Variants in RBFOX1 observed in about 807,000 individuals in gnomAD.
The protein encoded by RBFOX1 is RNA binding protein fox-1 homolog 1.
RBFOX1 carries 8 observed loss-of-function variants against 57.7 expected under a neutral mutation model. The ratio of observed to expected loss-of-function variants is 0.14; its 90% confidence interval spans 0.08 to 0.25. The LOEUF (loss-of-function observed/expected upper bound fraction) is 0.25, where lower values mean the gene tolerates loss of function less well. Among genes scored for constraint, RBFOX1 ranks in the 10% least tolerant of loss-of-function variants. RBFOX1 has a pLI of 1.00. For synonymous variants in RBFOX1, 326 were observed against 222.4 expected, an observed-to-expected ratio of 1.47 and a Z score of -4.15; for missense variants, 611 against 548.5, an observed-to-expected ratio of 1.11 and a Z score of -1.14.
At chr16:7,702,214 A>G (rs1377671076) in intron 14 of RBFOX1, among the ~76,000 whole-genome samples, 1 of 152,220 alleles carries the variant, frequency 6.6e-6, no homozygotes, top group Non-Finnish European at 1.5e-5. Flanking sequence ...ATTGGCATGA[A>G]GATAAGAGAC....
chr16:6,266,623 A>C, intron 1 of RBFOX1, among the ~76,000 whole-genome samples: 1 of 151,872 alleles, frequency 6.6e-6, no homozygotes, highest in Admixed American at 6.6e-5. Context: ...CTGAGGCAGG[A>C]GAGTCCCTTG....
At chr16:7,621,308 T>A (rs1280479606) in intron 10 of RBFOX1, among the ~76,000 whole-genome samples, 2 of 152,164 alleles carry the variant, frequency 1.3e-5, no homozygotes, top group African/African-American at 4.8e-5. Context: ...TCACCCAGGC[T>A]GGAGTGCAGT....
intron 4 of RBFOX1, among the ~76,000 whole-genome samples, chr16:7,190,581 C>G (rs2085126090): frequency 6.6e-6 from 1 of 151,684 alleles, no homozygotes. Context: ...GAGGAGGTTG[C>G]TAAGAGGGTA....
intron 4 of RBFOX1, among the ~76,000 whole-genome samples, chr16:7,415,320 C>G (rs1463554654): frequency 6.6e-6 from 1 of 152,152 alleles, no homozygotes; most frequent in Non-Finnish European, 1.5e-5. Context: ...AAATCCATAT[C>G]TTCTGCCTGT....
At chr16:7,248,329 G>A (rs542378284) in intron 4 of RBFOX1, among the ~76,000 whole-genome samples, 2 of 152,136 alleles carry the variant, frequency 1.3e-5, no homozygotes, top group Non-Finnish European at 2.9e-5. Context: ...ATAAAGGACC[G>A]TGCTGTTGGC....
chr16:7,192,057 C>A (rs886545900), intron 4 of RBFOX1, among the ~76,000 whole-genome samples: 1 of 152,158 alleles, frequency 6.6e-6, no homozygotes, highest in South Asian at 2.1e-4. Flanking sequence ...TATTGATGCC[C>A]TGTCTGTAGA....
intron 3 of RBFOX1, among the ~76,000 whole-genome samples, chr16:5,706,189 G>A (rs1012715309): frequency 7.2e-5 from 11 of 152,218 alleles, no homozygotes; most frequent in African/African-American, 2.7e-4. Context: ...GGGATTACAG[G>A]CGTGGGCCAT....
intron 2 of RBFOX1, among the ~76,000 whole-genome samples, chr16:6,445,768 C>A (rs1348738426): frequency 6.6e-6 from 1 of 151,696 alleles, no homozygotes; most frequent in Non-Finnish European, 1.5e-5. Flanking sequence ...TTTTTAGTTG[C>A]GACAGGGTTT....
intron 3 of RBFOX1, among the ~76,000 whole-genome samples, chr16:6,866,106 C>A (rs1257687590): frequency 6.6e-6 from 1 of 151,818 alleles, no homozygotes; most frequent in African/African-American, 2.4e-5. Context: ...AAAATAATTC[C>A]CCTCTCCTTT....
intron 4 of RBFOX1, among the ~76,000 whole-genome samples, chr16:7,379,581 A>G (rs2097751588): frequency 6.6e-6 from 1 of 152,200 alleles, no homozygotes; most frequent in African/African-American, 2.4e-5. Context: ...ATATATATAG[A>G]CAATAAAGAA....
chr16:7,597,402 A>G lies in RBFOX1; in HGVS notation c.593A>G (p.Asn198Ser), dbSNP rs770634484. 2.5e-6 allele frequency: 4 copies of G among 1,611,598 alleles called. No individual in the cohort carries two copies. In the East Asian group the frequency reaches 8.9e-5, roughly 36 times the overall value. The change falls in exon 9 of 16, where the codon AAT (asparagine) becomes AGT (serine). Residue 198 changes from asparagine (N) to serine (S), a missense_variant. Around this residue, in one of 3 missense-constraint regions of RBFOX1, gnomAD observed 99 missense variants for 160.3 expected, o/e 0.62. Transcript: ENST00000550418. ...VNNATARVMT[N>S]KKTVNPYTNG... ...AATGCCACAGCACGTGTAATGACAA[A>G]TAAAAAGACCGTCAACCCTTATACA... is the stretch of plus-strand genomic sequence containing the variant.
intron 4 of RBFOX1, among the ~76,000 whole-genome samples, chr16:7,137,668 G>T (rs1037391753): frequency 6.6e-6 from 1 of 152,108 alleles, no homozygotes; most frequent in Non-Finnish European, 1.5e-5. Context: ...CTCAGATTAG[G>T]GGCAAGCTCC....
intron 4 of RBFOX1, among the ~76,000 whole-genome samples, chr16:7,206,730 C>T (rs1009673687): frequency 1.3e-5 from 2 of 152,004 alleles, no homozygotes; most frequent in Admixed American, 1.3e-4. Context: ...ATGCCGACGA[C>T]ATTTACTGTG....
chr16:7,542,059 C>T (rs997030561), intron 5 of RBFOX1, among the ~76,000 whole-genome samples: 6 of 152,208 alleles, frequency 3.9e-5, no homozygotes, highest in East Asian at 3.9e-4. Context: ...TGGCAGCTTT[C>T]GTGGGGGTAC....
intron 3 of RBFOX1, among the ~76,000 whole-genome samples, chr16:5,740,524 C>G (rs1031943557): frequency 6.6e-6 from 1 of 152,222 alleles, no homozygotes; most frequent in African/African-American, 2.4e-5. Flanking sequence ...CAATTGATTA[C>G]ACGTGACTGA....
At chr16:6,234,403 A>G (rs943200357) in intron 1 of RBFOX1, among the ~76,000 whole-genome samples, 1 of 152,162 alleles carries the variant, frequency 6.6e-6, no homozygotes, top group Non-Finnish European at 1.5e-5. Context: ...AAGTCCCATG[A>G]GGATAGGGGC....
intron 3 of RBFOX1, among the ~76,000 whole-genome samples, chr16:6,789,605 G>T (rs1373715881): frequency 6.6e-6 from 1 of 152,142 alleles, no homozygotes. Flanking sequence ...ACTCAGTGCT[G>T]TGCCCATCTT....
chr16:7,560,558 T>G (rs2090082108), intron 5 of RBFOX1, among the ~76,000 whole-genome samples: 1 of 151,968 alleles, frequency 6.6e-6, no homozygotes, highest in Non-Finnish European at 1.5e-5. Context: ...CAAAAATTGT[T>G]TTTTGGAACA....
chr16:5,721,057 A>C (rs568878563), intron 3 of RBFOX1, among the ~76,000 whole-genome samples: 1 of 152,192 alleles, frequency 6.6e-6, no homozygotes, highest in Non-Finnish European at 1.5e-5. Flanking sequence ...TAATCCATGA[A>C]TATGAATTTT....
Sources: allele counts gnomAD v4.1 joint callset (sites outside exome capture counted in the v4.1 genomes callset), GRCh38; gene constraint gnomAD v4.1.1; regional missense constraint gnomAD v4.1.1; transcripts MANE v1.5; gene names NCBI Gene and HGNC (gene_info 2026-07-23, HGNC 2026-07-21).